Variants in SDK2 observed in about 807,000 individuals in gnomAD.
The protein encoded by SDK2 is protein sidekick-2.
SDK2 carries 105 observed loss-of-function variants against 253.9 expected under a neutral mutation model. That is an observed-to-expected ratio of 0.41 (90% CI 0.35 to 0.49). The LOEUF is 0.49. Ranked by LOEUF, SDK2 falls within the 20% of genes least tolerant of loss-of-function variation. The pLI is 0.06. For missense variants in SDK2, 2,608 were observed against 3,003.0 expected, an observed-to-expected ratio of 0.87 and a Z score of 3.07; for synonymous variants, 1,249 against 1,234.9, an observed-to-expected ratio of 1.01 and a Z score of -0.24.
At chr17:73,590,949 C>T (rs1220579048) in intron 1 of SDK2, among the ~76,000 whole-genome samples, 7 of 152,164 alleles carry the variant, frequency 4.6e-5, no homozygotes, top group African/African-American at 2.4e-5. Flanking sequence ...GACAGAGTTT[C>T]GCTCTTGTTG....
rs201041336 is a variant in SDK2, at chr17:73,395,328, C to T, written c.3419G>A (p.Arg1140Gln). The change falls in exon 25 of 45, where the codon CGG becomes CAG. Residue 1140 changes from arginine to glutamine, a missense_variant. Physicochemically the swap from Arg to Gln is conservative, Grantham distance 43. Around this residue, in one of 2 missense-constraint regions of SDK2, gnomAD observed 1,505 missense variants for 1,859.1 expected, o/e 0.81. Transcript: ENST00000392650. The surrounding 1 kb of genome is among the most constrained non-coding windows in gnomAD (Gnocchi z 4.3). ...CAGCGTCTTGCCATGCCCGTCTGAC[C>T]GGCTGTACTTGATCTTATAGCCCAC... ...ESVGYKIKYS[R>Q]SDGHGKTLSH... The T allele has an allele frequency of 1.3e-4, 215 of 1,613,954 alleles. No individual in the cohort carries two copies. The highest frequency in any genetic ancestry group is 1.6e-4 in the Middle Eastern group (1 of 6,062).
chr17:73,564,026 G>A (rs888858628), intron 1 of SDK2, among the ~76,000 whole-genome samples: 1 of 151,924 alleles, frequency 6.6e-6, no homozygotes, highest in Admixed American at 6.6e-5. Flanking sequence ...TCACACACCC[G>A]GCCTCCCAAA....
intron 1 of SDK2, among the ~76,000 whole-genome samples, chr17:73,542,312 G>A (rs753790664): frequency 9.9e-5 from 15 of 152,210 alleles, no homozygotes; most frequent in Non-Finnish European, 2.1e-4. Flanking sequence ...AGCTTCTGGT[G>A]GGGATGGCTG....
intron 44 of SDK2, among the ~76,000 whole-genome samples, chr17:73,346,464 G>A (rs993152999): frequency 1.3e-5 from 2 of 151,080 alleles, no homozygotes; most frequent in African/African-American, 4.9e-5. Flanking sequence ...TTGCCGTCCA[G>A]CCAGGCTGCA....
chr17:73,369,296 C>T, intron 36 of SDK2: 1 of 334,030 alleles, frequency 3.0e-6, no homozygotes, highest in South Asian at 2.4e-5. Flanking sequence ...CTGGTGGCCT[C>T]ATGTCACCTG....
intron 3 of SDK2, among the ~76,000 whole-genome samples, chr17:73,469,986 G>GCA (rs1208248058): frequency 1.5e-4 from 12 of 81,018 alleles, no homozygotes; most frequent in East Asian, 4.8e-4. Context: ...GCGACTGCGC[G>GCA]CGCGCGCACA....
intron 5 of SDK2, among the ~76,000 whole-genome samples, chr17:73,446,061 G>T (rs1230035194): frequency 6.6e-6 from 1 of 152,154 alleles, no homozygotes; most frequent in African/African-American, 2.4e-5. Context: ...CGGAGAAGGG[G>T]AACAGACAGG....
chr17:73,488,467 AAGC>A (rs2063783801), intron 2 of SDK2, among the ~76,000 whole-genome samples: 2 of 152,238 alleles, frequency 1.3e-5, no homozygotes, highest in Non-Finnish European at 2.9e-5. Context: ...TGTCTGCAAG[AAGC>A]AGGAGTCAAT....
At chr17:73,483,680 TATTTATATATATATATATATATATATA>T (rs1452964039) in intron 2 of SDK2, among the ~76,000 whole-genome samples, 1,997 of 63,420 alleles carry the variant, frequency 0.031, 94 homozygotes, top group Admixed American at 0.075. Flanking sequence ...TATATATATA[TATTTATATATATATATATATATATATA>T]TTTTTTTTTT....
rs764801679 is a variant in SDK2, at chr17:73,358,070, G to A, written c.5593+9C>T. 23 of 1,613,046 alleles carry A rather than the reference G, an allele frequency of 1.4e-5. No homozygotes were observed. Among genetic ancestry groups the A allele is most frequent in the Middle Eastern group, 1.7e-4 (1 of 6,056 alleles). On this transcript the variant is annotated intron_variant, in intron 40 of 44. Transcript: ENST00000392650. Reference sequence around the variant, plus strand: ...CTGTGGGGTCTCAGCCCAGCAGGGCGGGGCGCACCTGAAGGTCTGGCCTCG... The same window carrying A: ...CTGTGGGGTCTCAGCCCAGCAGGGCAGGGCGCACCTGAAGGTCTGGCCTCG...
chr17:73,613,480 C>G (rs1197303572), intron 1 of SDK2, among the ~76,000 whole-genome samples: 1 of 152,098 alleles, frequency 6.6e-6, no homozygotes, highest in East Asian at 1.9e-4. Context: ...CATCCGTGCT[C>G]TCTTTGGAAA....
chr17:73,352,777 C>T lies in SDK2; in HGVS notation c.5594-140G>A. The T allele has an allele frequency of 2.3e-6, 2 of 875,844 alleles. No homozygotes were observed. Among genetic ancestry groups the T allele is most frequent in the Non-Finnish European group, 3.5e-6 (2 of 575,692 alleles). The allele number at this position is 875,844 out of a possible 1,614,324, so 54.3% of individuals were successfully genotyped here. A position where few individuals can be genotyped will look rare whatever the true frequency, so the allele number is the denominator to read the frequency against. ...CCACACTGAATCGCAGGCCTTGGTC[C>T]TCCCTTGAAGTTTCTTAAAAAGACA... On this transcript the variant is annotated intron_variant, in intron 40 of 44. Coordinates refer to ENST00000392650, the MANE Select transcript of SDK2 (RefSeq NM_001144952.2). The surrounding 1 kb of genome is among the most constrained non-coding windows in gnomAD (Gnocchi z 4.1).
chr17:73,348,454 T>C, intron 44 of SDK2, 145 bp downstream of exon 44: 7 of 969,034 alleles, frequency 7.2e-6, no homozygotes, highest in Non-Finnish European at 1.0e-5. Flanking sequence ...AGATGGCCCA[T>C]ATATGACTTC....
intron 3 of SDK2, among the ~76,000 whole-genome samples, chr17:73,469,757 A>G (rs2063630838): frequency 6.6e-6 from 1 of 152,136 alleles, no homozygotes; most frequent in Admixed American, 6.5e-5. Context: ...AGGGATTCCT[A>G]TCACAGCCAT....
intron 1 of SDK2, among the ~76,000 whole-genome samples, chr17:73,546,228 C>G (rs2044962699): frequency 6.6e-6 from 1 of 152,198 alleles, no homozygotes; most frequent in South Asian, 2.1e-4. Flanking sequence ...CAGACCTGCC[C>G]TCTCTCCTGT....
At chr17:73,543,473 C>T (rs878878398) in intron 1 of SDK2, among the ~76,000 whole-genome samples, 3 of 152,334 alleles carry the variant, frequency 2.0e-5, no homozygotes, top group Non-Finnish European at 2.9e-5. Flanking sequence ...TCTATGTAAG[C>T]GACAGCCCAA....
chr17:73,385,640 G>T (rs577539818), intron 32 of SDK2, among the ~76,000 whole-genome samples: 1 of 152,216 alleles, frequency 6.6e-6, no homozygotes, highest in Non-Finnish European at 1.5e-5. Context: ...GTAATGAGGC[G>T]TGTTATGGGA....
chr17:73,500,501 A>G (rs1161048532), intron 2 of SDK2, among the ~76,000 whole-genome samples: 2 of 128,482 alleles, frequency 1.6e-5, no homozygotes, highest in Non-Finnish European at 3.2e-5. Context: ...TCCTTTGTCC[A>G]TCTTCCTTCT....
rs62072075 is a variant in SDK2 at position 73,379,655 on chromosome 17, C to T, written c.4763-106G>A. 249,614 of 680,458 alleles carry T rather than the reference C, an allele frequency of 0.37. 52,919 individuals are homozygous for T. Among genetic ancestry groups the T allele is most frequent in the Non-Finnish European group, 0.46 (178,992 of 392,494 alleles). 42.2% of individuals were successfully genotyped at this position (680,458 alleles called of 1,614,324 possible). On this transcript the variant is annotated intron_variant, in intron 34 of 44. Transcript: ENST00000392650. This position sits in a 1 kb window ranked among gnomAD's most constrained non-coding sequence, Gnocchi z 4.5. ...TGCAGGGGGAGGAATGAGGCACCCC[C>T]GCCATTCTAGCCCCCTCTGTGAAGG...
Sources: allele counts gnomAD v4.1 joint callset (sites outside exome capture counted in the v4.1 genomes callset), GRCh38; gene constraint gnomAD v4.1.1; regional missense constraint gnomAD v4.1.1; non-coding constraint Gnocchi (gnomAD v3.1); transcripts MANE v1.5; gene names NCBI Gene and HGNC (gene_info 2026-07-23, HGNC 2026-07-21).